TNFRSF21: variants seen among roughly 807,000 people sequenced by gnomAD.
TNFRSF21 encodes tumor necrosis factor receptor superfamily member 21.
In TNFRSF21, 19 loss-of-function variants were observed where a neutral mutation model predicts 45.6. The observed-to-expected ratio is 0.42, with a 90% CI of 0.29 to 0.61. TNFRSF21 has a LOEUF of 0.61. TNFRSF21 is among the 20% of genes least tolerant of loss of function. The probability of loss-of-function intolerance (pLI) is 0.23; values close to 1 mark genes in which losing one functional copy is unlikely to be tolerated. For missense variants in TNFRSF21, 737 were observed against 851.5 expected, an observed-to-expected ratio of 0.87 and a Z score of 1.67; for synonymous variants, 314 against 335.5, an observed-to-expected ratio of 0.94 and a Z score of 0.70.
At position 47,232,499 on chromosome 6, in the gene TNFRSF21, G is replaced by T; in HGVS notation, c.*266C>A. 1 of 383,582 alleles carries T rather than the reference G, an allele frequency of 2.6e-6. No individual in the cohort carries two copies. Among genetic ancestry groups the T allele is most frequent in the Non-Finnish European group, 4.6e-6 (1 of 215,342 alleles). The allele number at this position is 383,582 out of a possible 1,614,324, so 23.8% of individuals were successfully genotyped here. The stretch of plus-strand genomic sequence containing the variant: ...ATATGGAACTTAAAAAACTTTAGTG[G>T]TGGGTATTTCACAACAGTTACACCT... On this transcript the variant is annotated 3_prime_UTR_variant, in exon 6 of 6. Transcript: ENST00000296861.
intron 3 of TNFRSF21, among the ~76,000 whole-genome samples, chr6:47,259,824 A>C (rs1214993725): frequency 6.6e-6 from 1 of 152,178 alleles, no homozygotes; most frequent in Non-Finnish European, 1.5e-5. Context: ...CCTGGAGAAA[A>C]GCATGAGGAT....
intron 1 of TNFRSF21, among the ~76,000 whole-genome samples, chr6:47,309,128 C>T: frequency 6.6e-6 from 1 of 152,268 alleles, no homozygotes; most frequent in East Asian, 1.9e-4. Context: ...CCCTCAAATG[C>T]GCAGAAGCTG....
chr6:47,244,184 C>T (rs1388117730), intron 4 of TNFRSF21, among the ~76,000 whole-genome samples: 5 of 152,076 alleles, frequency 3.3e-5, no homozygotes, highest in Non-Finnish European at 7.4e-5. Flanking sequence ...ATTAGCCAGG[C>T]GTGGTGGCGG....
chr6:47,297,829 A>G (rs1762812377), intron 1 of TNFRSF21, among the ~76,000 whole-genome samples: 1 of 152,106 alleles, frequency 6.6e-6, no homozygotes, highest in Non-Finnish European at 1.5e-5. Flanking sequence ...GGCCAAGACA[A>G]TCTTTTAAAA....
chr6:47,249,090 A>C (rs941760225), intron 4 of TNFRSF21, among the ~76,000 whole-genome samples: 1 of 152,184 alleles, frequency 6.6e-6, no homozygotes, highest in Non-Finnish European at 1.5e-5. Flanking sequence ...TTCTAATCGG[A>C]GCCTTACTGG....
chr6:47,309,787 TGAG>T lies in TNFRSF21; in HGVS notation c.-279_-277del, dbSNP rs1485029031. On this transcript the variant is annotated 5_prime_UTR_variant, in exon 1 of 6. Coordinates refer to ENST00000296861, the MANE Select transcript of TNFRSF21 (RefSeq NM_014452.5). ...CCGGGTGCTCTCCTCCGACAGCGGC[TGAG>T]GAGAACCAGGGAGGAGGACTGGGCG... is the stretch of plus-strand genomic sequence containing the variant. The T allele has an allele frequency of 5.3e-6, 2 of 379,050 alleles. No homozygotes were observed. The highest frequency in any genetic ancestry group is 6.7e-4 in the Middle Eastern group (1 of 1,490). 23.5% of individuals were successfully genotyped at this position (379,050 alleles called of 1,614,324 possible). A position where few individuals can be genotyped will look rare whatever the true frequency, so the allele number is the denominator to read the frequency against.
At chr6:47,252,067 T>C (rs1764908439) in intron 4 of TNFRSF21, among the ~76,000 whole-genome samples, 1 of 152,174 alleles carries the variant, frequency 6.6e-6, no homozygotes, top group South Asian at 2.1e-4. Flanking sequence ...TGATAAATGA[T>C]TACATCAATT....
At chr6:47,260,348 T>C (rs992510885) in intron 3 of TNFRSF21, among the ~76,000 whole-genome samples, 10 of 152,106 alleles carry the variant, frequency 6.6e-5, no homozygotes, top group Non-Finnish European at 1.0e-4. Flanking sequence ...ACTCAATGGG[T>C]TCTTCCAAGT....
intron 3 of TNFRSF21, among the ~76,000 whole-genome samples, chr6:47,283,235 TG>T (rs756727860): frequency 3.4e-4 from 52 of 152,278 alleles, no homozygotes; most frequent in East Asian, 5.8e-4. Flanking sequence ...AGCTATTTTT[TG>T]CCCTCAAAAG....
At chr6:47,238,910 T>C (rs1304830625) in intron 4 of TNFRSF21, among the ~76,000 whole-genome samples, 1 of 152,146 alleles carries the variant, frequency 6.6e-6, no homozygotes, top group Non-Finnish European at 1.5e-5. Flanking sequence ...TTTCCAGCTG[T>C]GTCCTTGCCA....
intron 4 of TNFRSF21, among the ~76,000 whole-genome samples, chr6:47,239,285 CAAAAAAAAAA>C (rs548172761): frequency 2.6e-3 from 151 of 57,378 alleles, no homozygotes; most frequent in Non-Finnish European, 4.1e-3. Context: ...GACTCCATCT[CAAAAAAAAAA>C]AAAAAAAAAA....
chr6:47,251,818 C>T (rs1764905366), intron 4 of TNFRSF21, among the ~76,000 whole-genome samples: 1 of 152,176 alleles, frequency 6.6e-6, no homozygotes, highest in Non-Finnish European at 1.5e-5. Flanking sequence ...AATCCAGCTA[C>T]TTAAAGCCTA....
chr6:47,247,388 T>C (rs1223921123), intron 4 of TNFRSF21, among the ~76,000 whole-genome samples: 3 of 152,354 alleles, frequency 2.0e-5, no homozygotes, highest in East Asian at 1.9e-4. Flanking sequence ...CAAGTTTAGC[T>C]GTTACCTTAG....
chr6:47,249,805 A>C (rs946689866), intron 4 of TNFRSF21, among the ~76,000 whole-genome samples: 1 of 152,198 alleles, frequency 6.6e-6, no homozygotes, highest in African/African-American at 2.4e-5. Context: ...CTCATAATTA[A>C]GCATGTGTGT....
intron 3 of TNFRSF21, among the ~76,000 whole-genome samples, chr6:47,257,055 T>C (rs1022649912): frequency 2.0e-5 from 3 of 152,166 alleles, no homozygotes; most frequent in Non-Finnish European, 2.9e-5. Context: ...TTCCCATCAT[T>C]ATGAAAGCTC....
intron 3 of TNFRSF21, among the ~76,000 whole-genome samples, chr6:47,266,604 C>G (rs1207877842): frequency 6.6e-6 from 1 of 151,068 alleles, no homozygotes; most frequent in Non-Finnish European, 1.5e-5. Flanking sequence ...TACATTCAAA[C>G]TGGGACATCA....
At chr6:47,248,910 G>T (rs777518486) in intron 4 of TNFRSF21, among the ~76,000 whole-genome samples, 2 of 152,198 alleles carry the variant, frequency 1.3e-5, no homozygotes, top group Non-Finnish European at 2.9e-5. Flanking sequence ...TGCTTACAGT[G>T]GGTCACACTC....
At chr6:47,260,078 C>T (rs1047235529) in intron 3 of TNFRSF21, among the ~76,000 whole-genome samples, 7 of 152,130 alleles carry the variant, frequency 4.6e-5, no homozygotes, top group Non-Finnish European at 1.0e-4. Flanking sequence ...GCTTCCCCTG[C>T]CCCTCCATTT....
At chr6:47,284,574 C>A (rs1269992545) in intron 2 of TNFRSF21, 142 bp from the exon 3 acceptor site, 10 of 1,029,796 alleles carry the variant, frequency 9.7e-6, no homozygotes, top group Admixed American at 3.6e-5. Context: ...AATTGTGTTG[C>A]ACATTTTCAT....
Sources: allele counts gnomAD v4.1 joint callset (sites outside exome capture counted in the v4.1 genomes callset), GRCh38; gene constraint gnomAD v4.1.1; transcripts MANE v1.5; gene names NCBI Gene and HGNC (gene_info 2026-07-23, HGNC 2026-07-21).